CHM: variants seen among roughly 807,000 people sequenced by gnomAD.
The protein encoded by CHM is CHM Rab escort protein.
Under a neutral mutation model 49.0 loss-of-function variants are expected in CHM, and 10 were observed. The ratio of observed to expected loss-of-function variants is 0.20; its 90% CI spans 0.13 to 0.35. The LOEUF is 0.35. CHM is among the 10% of genes least tolerant of loss of function. The probability of loss-of-function intolerance (pLI) is 1.00; values close to 1 mark genes in which losing one functional copy is unlikely to be tolerated. For missense variants in CHM, 455 were observed against 478.4 expected, an observed-to-expected ratio of 0.95 and a Z score of 0.46; for synonymous variants, 184 against 167.5, an observed-to-expected ratio of 1.10 and a Z score of -0.76.
In CHM at chrX:85,863,418, C is replaced by T. The variant is rs1054855697; in HGVS notation, c.*1212G>A. The T allele has an allele frequency of 9.0e-6, 1 of 111,692 alleles. No homozygotes were observed. The highest frequency in any genetic ancestry group is 3.3e-5 in the African/African-American group (1 of 30,712). 9.2% of individuals were successfully genotyped at this position (111,692 alleles called of 1,213,427 possible). A position where few individuals can be genotyped will look rare whatever the true frequency, so the allele number is the denominator to read the frequency against. On this transcript the variant is annotated 3_prime_UTR_variant, in exon 15 of 15. Transcript: ENST00000357749. ...GTGTATATTAGGGCTTACCAACTGT[C>T]ATACACAATTTGGAGTCCTTGGTGG...
intron 2 of CHM, among the ~76,000 whole-genome samples, chrX:86,007,195 C>A (rs1296956393): frequency 2.7e-5 from 3 of 112,130 alleles, no homozygotes; most frequent in Non-Finnish European, 5.6e-5. Flanking sequence ...GCTGGGAAAA[C>A]TGGATAGCCA....
intron 4 of CHM, 100 bp downstream of exon 4, chrX:85,978,667 T>C (rs747436365): frequency 6.7e-6 from 6 of 891,463 alleles, no homozygotes; most frequent in Non-Finnish European, 9.5e-6. Context: ...TAACGTGACT[T>C]GTAGCAACCA....
At chrX:85,909,512 T>C (rs1170449583) in intron 9 of CHM, among the ~76,000 whole-genome samples, 2 of 111,548 alleles carry the variant, frequency 1.8e-5, no homozygotes, top group Non-Finnish European at 1.9e-5. Context: ...TTTGCCAAGA[T>C]TACCTGGTAA....
At chrX:85,990,259 G>A (rs1273109267) in intron 2 of CHM, among the ~76,000 whole-genome samples, 1 of 112,091 alleles carries the variant, frequency 8.9e-6, no homozygotes, top group Non-Finnish European at 1.9e-5. Flanking sequence ...AATACCAAGT[G>A]TTTTCACTTA....
At chrX:85,880,562 A>G (rs956654364) in intron 12 of CHM, among the ~76,000 whole-genome samples, 3 of 111,722 alleles carry the variant, frequency 2.7e-5, no homozygotes, top group Non-Finnish European at 3.8e-5. Context: ...ATAAATAAGT[A>G]TATTTTGGAA....
rs754416380 is a variant in CHM, at chrX:86,024,092, T to C, written c.116+3399A>G. On this transcript the variant is annotated intron_variant, in intron 2 of 14. Coordinates refer to ENST00000357749, the MANE Select transcript of CHM (RefSeq NM_000390.4). ...GGGACTTCCCTGAGGAGGTGGTATG[T>C]AAGCTAAACATTGAAAGACAAATAG... Among the ~76,000 whole-genome samples the C allele has an allele frequency of 7.1e-5, 8 of 111,960 alleles. No homozygotes were observed. The East Asian group carries it at 2.3e-3, about 32-fold the overall frequency.
In CHM at chrX:85,899,768, G is replaced by A. The variant is rs374344248; in HGVS notation, c.1413+878C>T. On this transcript the variant is annotated intron_variant, in intron 11 of 14. Coordinates refer to ENST00000357749, the MANE Select transcript of CHM (RefSeq NM_000390.4). ...GGATACTCAAACTTTAGTACATATA[G>A]CTTAATACGCTGTATTTTGCCAGTA... Among the ~76,000 whole-genome samples the A allele has an allele frequency of 4.1e-5, 4 of 98,696 alleles. No individual in the cohort carries two copies. In the South Asian group the frequency reaches 1.9e-3, roughly 47 times the overall value. The allele number at this position is 98,696 out of a possible 115,157, so 85.7% of individuals were successfully genotyped here.
At chrX:85,882,045 T>C (rs1407945806) in intron 12 of CHM, among the ~76,000 whole-genome samples, 1 of 111,576 alleles carries the variant, frequency 9.0e-6, no homozygotes, top group Non-Finnish European at 1.9e-5. Context: ...AAATGACTGA[T>C]GTTATAATTT....
chrX:86,009,247 G>T (rs1412943370), intron 2 of CHM, among the ~76,000 whole-genome samples: 1 of 112,351 alleles, frequency 8.9e-6, no homozygotes, highest in Non-Finnish European at 1.9e-5. Context: ...TCTCCCATAT[G>T]GTCAATGATA....
intron 12 of CHM, among the ~76,000 whole-genome samples, chrX:85,883,714 T>C (rs747994826): frequency 1.8e-5 from 2 of 111,130 alleles, no homozygotes; most frequent in South Asian, 7.6e-4. Context: ...TTATAAAAGG[T>C]ATATAGCATT....
chrX:85,941,457 T>C (rs1478800800), intron 8 of CHM, among the ~76,000 whole-genome samples: 1 of 111,992 alleles, frequency 8.9e-6, no homozygotes, highest in Non-Finnish European at 1.9e-5. Context: ...CAGTTATACA[T>C]CATCTGCTAT....
At chrX:86,033,492 AGAGT>A (rs1236152372) in intron 1 of CHM, among the ~76,000 whole-genome samples, 1 of 112,579 alleles carries the variant, frequency 8.9e-6, no homozygotes, top group East Asian at 2.8e-4. Flanking sequence ...GCTTTAATAA[AGAGT>A]AAGTTCTTTT....
chrX:86,017,606 G>A (rs193216988), intron 2 of CHM, among the ~76,000 whole-genome samples: 10 of 111,426 alleles, frequency 9.0e-5, no homozygotes, highest in African/African-American at 2.3e-4. Flanking sequence ...CCTGCCATGC[G>A]GAACTGTAAG....
chrX:85,977,835 C>T (rs1228424264), intron 4 of CHM, among the ~76,000 whole-genome samples: 1 of 106,697 alleles, frequency 9.4e-6, no homozygotes, highest in Non-Finnish European at 2.0e-5. Context: ...AGAACACAAA[C>T]AGTATATTAT....
intron 8 of CHM, among the ~76,000 whole-genome samples, chrX:85,921,837 ATGT>A (rs974581755): frequency 8.9e-6 from 1 of 112,508 alleles, no homozygotes; most frequent in Non-Finnish European, 1.9e-5. Context: ...GTTTTCTGTC[ATGT>A]TGTAATGTTG....
At chrX:85,879,975 T>G (rs1924661972) in intron 12 of CHM, among the ~76,000 whole-genome samples, 1 of 110,361 alleles carries the variant, frequency 9.1e-6, no homozygotes, top group African/African-American at 3.3e-5. Context: ...TCCAGGAAGA[T>G]AGTTCAAATT....
intron 14 of CHM, among the ~76,000 whole-genome samples, chrX:85,866,353 G>A (rs938135218): frequency 8.9e-6 from 1 of 112,520 alleles, no homozygotes; most frequent in Admixed American, 9.4e-5. Flanking sequence ...GCCTGAGGGT[G>A]CACAAAAGAC....
intron 8 of CHM, among the ~76,000 whole-genome samples, chrX:85,934,003 C>G (rs1288104490): frequency 9.5e-6 from 1 of 104,952 alleles, no homozygotes; most frequent in Non-Finnish European, 1.9e-5. Context: ...TTCTTTGAGA[C>G]GGAGTCTCGC....
chrX:85,964,082 G>A (rs772969563), intron 4 of CHM, 30 bp from the exon 5 acceptor site: 2 of 1,166,403 alleles, frequency 1.7e-6, no homozygotes, highest in East Asian at 3.0e-5. Flanking sequence ...TAAACACCAG[G>A]CTTTATATAT....
Sources: allele counts gnomAD v4.1 joint callset (sites outside exome capture counted in the v4.1 genomes callset), GRCh38; gene constraint gnomAD v4.1.1; transcripts MANE v1.5; gene names NCBI Gene and HGNC (gene_info 2026-07-23, HGNC 2026-07-21).